MS4A6A: variants seen among roughly 807,000 people sequenced by gnomAD.
MS4A6A encodes membrane-spanning 4-domains subfamily A member 6A.
A neutral mutation model predicts 20.6 loss-of-function variants in MS4A6A; 19 were observed. The observed-to-expected ratio is 0.92, with a 90% confidence interval of 0.64 to 1.36. The LOEUF is 1.36. Ranked by LOEUF, MS4A6A falls within the 40% of genes most tolerant of loss-of-function variation. MS4A6A has a pLI of 0.00. For synonymous variants in MS4A6A, 108 were observed against 105.0 expected, an observed-to-expected ratio of 1.03 and a Z score of -0.17; for missense variants, 272 against 261.1, an observed-to-expected ratio of 1.04 and a Z score of -0.29.
At chr11:60,179,722 C>T (rs1206191178) in intron 3 of MS4A6A, 109 bp downstream of exon 3, 2 of 1,311,760 alleles carry the variant, frequency 1.5e-6, no homozygotes, top group African/African-American at 2.9e-5. Flanking sequence ...CCGTTGACTC[C>T]TTGCTCCTGG....
At chr11:60,178,782 A>G (rs763165877) in intron 3 of MS4A6A, 1 of 435,808 alleles carries the variant, frequency 2.3e-6, no homozygotes, top group South Asian at 1.7e-5. Context: ...CTTGATGAAA[A>G]TGGTGCTTTA....
intron 5 of MS4A6A, 65 bp downstream of exon 5, chr11:60,175,337 A>G: frequency 7.5e-7 from 1 of 1,328,144 alleles, no homozygotes. Flanking sequence ...AAAAGAAGGA[A>G]TAACAAGAAA....
In MS4A6A at chr11:60,181,761, T is replaced by G. The variant is rs200496625; in HGVS notation, c.-14-20A>C. 376 of 1,611,948 alleles carry G rather than the reference T, an allele frequency of 2.3e-4. 1 individual carries two copies. In the Middle Eastern group the frequency reaches 2.8e-3, roughly 12 times the overall value. On this transcript the variant is annotated intron_variant, in intron 1 of 5. Transcript: ENST00000528851. ...TGCCAACTATGTAAGAAAAAATAGA[T>G]TTAGCTCTTAAAAAGTACAGAGCTC...
At chr11:60,182,144 A>G (rs1565105807) in intron 1 of MS4A6A, among the ~76,000 whole-genome samples, 1 of 152,234 alleles carries the variant, frequency 6.6e-6, no homozygotes, top group African/African-American at 2.4e-5. Flanking sequence ...GTTTAATAAT[A>G]CTATTTATTA....
At chr11:60,178,872 C>G (rs996978855) in intron 3 of MS4A6A, 2 of 423,408 alleles carry the variant, frequency 4.7e-6, no homozygotes, top group African/African-American at 4.2e-5. Flanking sequence ...AATTTAGGAA[C>G]ATTCTATAAA....
chr11:60,183,606 T>G (rs2083844219), upstream of MS4A6A: 1 of 153,222 alleles, frequency 6.5e-6, no homozygotes, highest in African/African-American at 2.4e-5. Context: ...TTTAAAAAAT[T>G]GTTTTTTATA....
Position 60,178,307 on chromosome 11 carries a change from A to G in MS4A6A, c.292T>C (p.Ser98Pro), listed in dbSNP as rs752449478. ...PFIGPFFFII[S>P]GSLSIATEKR... Reference sequence around the variant, plus strand: ...TCTGTGGCGATTGATAGAGAGCCAGAGATGATAAACTAAGATAAAAGAGAA... The same window carrying G: ...TCTGTGGCGATTGATAGAGAGCCAGGGATGATAAACTAAGATAAAAGAGAA... The change falls in exon 4 of 6, where the codon TCT becomes CCT. Residue 98 changes from serine (S) to proline (P), a missense_variant. Physicochemically the swap from Ser to Pro is moderately conservative, Grantham distance 74 (BLOSUM62 -1). Coordinates refer to ENST00000528851, the MANE Select transcript of MS4A6A (RefSeq NM_022349.4). The G allele has an allele frequency of 3.7e-6, 6 of 1,613,544 alleles. No homozygotes were observed. Among genetic ancestry groups the G allele is most frequent in the Non-Finnish European group, 2.5e-6 (3 of 1,179,600 alleles).
At position 60,181,046 on chromosome 11, in the gene MS4A6A, T is replaced by A. The variant is rs1472472109; in HGVS notation, c.147+535A>T. The A allele has an allele frequency of 6.6e-6, 3 of 453,948 alleles. No homozygotes were observed. The Admixed American group carries it at 7.1e-5, about 11-fold the overall frequency. 28.1% of individuals were successfully genotyped at this position (453,948 alleles called of 1,614,324 possible). On this transcript the variant is annotated intron_variant, in intron 2 of 5. Transcript: ENST00000528851. ...TGTTTCCCTCCCAATCCAAGATAGA[T>A]CCCTTCTTTCTCTCCTCCCTTCATG...
intron 3 of MS4A6A, chr11:60,178,705 C>A (rs1468552077): frequency 2.7e-6 from 1 of 364,064 alleles, no homozygotes; most frequent in Non-Finnish European, 5.3e-6. Context: ...GAAAATACTA[C>A]CCCAACCACA....
chr11:60,180,407 C>A (rs1857072963), intron 2 of MS4A6A: 1 of 165,450 alleles, frequency 6.0e-6, no homozygotes, highest in Admixed American at 5.9e-5. Flanking sequence ...CTCCCAGACT[C>A]CACTGGACAT....
chr11:60,174,864 G>A (rs1332490914), intron 5 of MS4A6A, among the ~76,000 whole-genome samples: 1 of 147,814 alleles, frequency 6.8e-6, no homozygotes, highest in Non-Finnish European at 1.5e-5. Flanking sequence ...CAACAATAAT[G>A]TTGCATTCTC....
At chr11:60,183,875 A>AACTC (rs2083852560), upstream of MS4A6A, 1 of 152,282 alleles carries the variant, frequency 6.6e-6, no homozygotes, top group South Asian at 2.1e-4. Context: ...GAATTCAGTA[A>AACTC]ACTCATATGC....
downstream of MS4A6A, chr11:60,172,337 C>T (rs923564896): frequency 1.9e-6 from 3 of 1,539,044 alleles, no homozygotes; most frequent in African/African-American, 1.4e-5. Flanking sequence ...CAACTGTATA[C>T]ATAGAATTCT....
intron 4 of MS4A6A, 95 bp downstream of exon 4, chr11:60,178,165 T>A (rs1856943340): frequency 8.5e-7 from 1 of 1,180,566 alleles, no homozygotes; most frequent in African/African-American, 1.5e-5. Flanking sequence ...GGAACTGAGT[T>A]TTCAACTTTT....
In MS4A6A at chr11:60,181,648, G is replaced by A. The variant is rs200243893; in HGVS notation, c.80C>T (p.Pro27Leu). ...NVINFSQAEK[P>L]EPTNQGQDSL... Reference sequence around the variant, plus strand: ...ATCCTGCCCCTGGTTGGTGGGTTCGGGTTTCTCTGCTTGGGAGAAGTTGAT... The same window carrying A: ...ATCCTGCCCCTGGTTGGTGGGTTCGAGTTTCTCTGCTTGGGAGAAGTTGAT... Residue 27 changes from proline to leucine, a missense_variant, in exon 2 of 6, where the codon CCC (proline) becomes CTC (leucine). By Grantham distance (98) the Pro-to-Leu change is moderately conservative (BLOSUM62 -3). Transcript: ENST00000528851. 14 of 1,614,106 alleles carry A rather than the reference G, an allele frequency of 8.7e-6. No individual in the cohort carries two copies. In the Admixed American group the frequency reaches 1.2e-4, roughly 13 times the overall value.
At chr11:60,172,467 C>A, downstream of MS4A6A, 1 of 1,264,866 alleles carries the variant, frequency 7.9e-7, no homozygotes, top group Non-Finnish European at 1.0e-6. Context: ...CTTTTTAATT[C>A]AGTTAAATAA....
chr11:60,173,164 AG>A (rs748846989), intron 5 of MS4A6A, 35 bp from the exon 6 acceptor site: 1 of 1,595,076 alleles, frequency 6.3e-7, no homozygotes, highest in East Asian at 2.2e-5. Context: ...GATGTTGCTT[AG>A]GTCAGCTGAA....
downstream of MS4A6A, chr11:60,172,426 A>G: frequency 7.6e-7 from 1 of 1,311,532 alleles, no homozygotes; most frequent in Non-Finnish European, 9.7e-7. Flanking sequence ...TTCATTCTAC[A>G]CTCTATAATA....
chr11:60,179,491 T>C (rs1857015215), intron 3 of MS4A6A: 2 of 209,246 alleles, frequency 9.6e-6, no homozygotes, highest in African/African-American at 2.5e-5. Context: ...ATTTATGCTC[T>C]TTTTTTTTTT....
Sources: allele counts gnomAD v4.1 joint callset (sites outside exome capture counted in the v4.1 genomes callset), GRCh38; gene constraint gnomAD v4.1.1; transcripts MANE v1.5; gene names NCBI Gene and HGNC (gene_info 2026-07-23, HGNC 2026-07-21).